The following ZPBP variants were observed in gnomAD, a reference collection of about 807,000 sequenced individuals.
ZPBP encodes the protein zona pellucida-binding protein 1.
A neutral mutation model predicts 44.8 loss-of-function variants in ZPBP; 26 were observed. That is an observed-to-expected ratio of 0.58 (90% CI 0.43 to 0.81). The LOEUF is 0.81. Ranked by LOEUF, ZPBP falls within the 30% of genes least tolerant of loss-of-function variation. ZPBP has a pLI of 0.00. For synonymous variants in ZPBP, 174 were observed against 153.2 expected (o/e 1.14, Z -1.00); for missense variants, 409 against 434.0 (o/e 0.94, Z 0.51).
downstream of ZPBP, among the ~76,000 whole-genome samples, chr7:49,847,615 AAC>A (rs1789993255): frequency 6.6e-6 from 1 of 152,222 alleles, no homozygotes; most frequent in Non-Finnish European, 1.5e-5. Flanking sequence ...TCTATTGAGG[AAC>A]ACACAGGGGC....
At chr7:50,043,454 T>G (rs1034281601) in intron 4 of ZPBP, among the ~76,000 whole-genome samples, 7 of 152,128 alleles carry the variant, frequency 4.6e-5, no homozygotes, top group Admixed American at 2.6e-4. Context: ...AAGACACACA[T>G]AGGCTCAAAA....
chr7:49,953,771 T>A (rs1795453756), intron 7 of ZPBP, among the ~76,000 whole-genome samples: 1 of 151,700 alleles, frequency 6.6e-6, no homozygotes, highest in South Asian at 2.1e-4. Flanking sequence ...ACTAAGGAGG[T>A]AAAATACACT....
chr7:50,017,262 CA>C (rs1798856271), intron 6 of ZPBP, among the ~76,000 whole-genome samples: 1 of 152,112 alleles, frequency 6.6e-6, no homozygotes, highest in East Asian at 1.9e-4. Flanking sequence ...AAGGAATACA[CA>C]ATCTAGATCC....
intron 6 of ZPBP, among the ~76,000 whole-genome samples, chr7:50,001,462 GA>G (rs1368404718): frequency 2.6e-5 from 4 of 152,030 alleles, no homozygotes; most frequent in East Asian, 3.9e-4. Flanking sequence ...ATAGGTGGGG[GA>G]AAAAAACTTA....
chr7:49,897,720 A>G (rs1317846227), intron 2 of ZPBP, among the ~76,000 whole-genome samples: 1 of 152,250 alleles, frequency 6.6e-6, no homozygotes, highest in Non-Finnish European at 1.5e-5. Flanking sequence ...GTATTGGGTT[A>G]GGAAAATGTA....
intron 3 of ZPBP, among the ~76,000 whole-genome samples, chr7:50,071,364 T>C (rs1253308239): frequency 6.6e-6 from 1 of 152,110 alleles, no homozygotes; most frequent in Non-Finnish European, 1.5e-5. Flanking sequence ...TGAACTTGAG[T>C]GCCTGCAAAC....
chr7:49,891,279 C>G (rs1792117672), intron 2 of ZPBP, among the ~76,000 whole-genome samples: 3 of 152,074 alleles, frequency 2.0e-5, no homozygotes, highest in Admixed American at 6.5e-5. Flanking sequence ...CTCAATTTAG[C>G]CAGATGACAT....
chr7:49,853,033 A>T (rs1239466347), intron 2 of ZPBP, among the ~76,000 whole-genome samples: 1 of 152,232 alleles, frequency 6.6e-6, no homozygotes, highest in Non-Finnish European at 1.5e-5. Context: ...TAAAAACAAC[A>T]GCTGCACCAA....
chr7:49,902,511 G>GT (rs1417630569), intron 1 of ZPBP, among the ~76,000 whole-genome samples: 6 of 142,896 alleles, frequency 4.2e-5, no homozygotes, highest in Non-Finnish European at 7.7e-5. Flanking sequence ...TTGTTTGCTT[G>GT]TTTTTTTAAC....
chr7:49,865,046 G>T (rs1352281195), intron 2 of ZPBP, among the ~76,000 whole-genome samples: 2 of 152,160 alleles, frequency 1.3e-5, no homozygotes, highest in Non-Finnish European at 2.9e-5. Context: ...TATTCTTAAA[G>T]ATCTTATTTT....
Position 49,878,244 on chromosome 7 carries a change from T to A in ZPBP, n.509+22874A>T, listed in dbSNP as rs149947508. On this transcript the variant is annotated intron_variant and non_coding_transcript_variant, in intron 2 of 2. Transcript: ENST00000465922. ...TCCTTGTATTTTAAACACAGCACAC[T>A]GCAATATGTTAATATTGTGGTTTTC... Among the ~76,000 whole-genome samples the A allele has an allele frequency of 7.4e-4, 113 of 152,290 alleles. 1 individual carries two copies. Among genetic ancestry groups the A allele is most frequent in the Non-Finnish European group, 1.5e-3 (102 of 68,014 alleles).
chr7:49,946,908 G>C (rs542208087), intron 7 of ZPBP, among the ~76,000 whole-genome samples: 1 of 152,178 alleles, frequency 6.6e-6, no homozygotes, highest in African/African-American at 2.4e-5. Flanking sequence ...TTTTCTGACT[G>C]TGTATTTCCA....
At chr7:50,079,254 T>C (rs182779130) in intron 3 of ZPBP, among the ~76,000 whole-genome samples, 156 of 151,706 alleles carry the variant, frequency 1.0e-3, no homozygotes, top group African/African-American at 3.6e-3. Context: ...ACATAATGAC[T>C]TTAGGAAAGT....
At chr7:50,049,017 A>G (rs1800545055) in intron 4 of ZPBP, among the ~76,000 whole-genome samples, 1 of 151,950 alleles carries the variant, frequency 6.6e-6, no homozygotes, top group Non-Finnish European at 1.5e-5. Context: ...TTAAAGAAAT[A>G]AAAGAATTAC....
At chr7:49,876,486 A>G (rs1431846816) in intron 2 of ZPBP, among the ~76,000 whole-genome samples, 2 of 152,156 alleles carry the variant, frequency 1.3e-5, no homozygotes, top group Non-Finnish European at 2.9e-5. Context: ...TTAAGACCAC[A>G]AACTCATCTA....
In ZPBP at chr7:50,047,997, C is replaced by T. The variant is rs180691248; in HGVS notation, c.487+9992G>A. Among the ~76,000 whole-genome samples, 867 of 152,148 alleles carry T rather than the reference C, an allele frequency of 5.7e-3. 12 individuals carry two copies. Among genetic ancestry groups the T allele is most frequent in the Middle Eastern group, 0.014 (4 of 294 alleles). On this transcript the variant is annotated intron_variant, in intron 4 of 7. Coordinates refer to ENST00000046087, the MANE Select transcript of ZPBP (RefSeq NM_007009.3). Reference sequence around the variant, plus strand: ...CAGTAGTTTCATGCAATTGCAGATGCAAGTACCAGAATAGTATGGGAGGGT... The same window carrying T: ...CAGTAGTTTCATGCAATTGCAGATGTAAGTACCAGAATAGTATGGGAGGGT...
chr7:49,899,008 G>C (rs1235033335), intron 2 of ZPBP, among the ~76,000 whole-genome samples: 1 of 151,976 alleles, frequency 6.6e-6, no homozygotes, highest in Non-Finnish European at 1.5e-5. Context: ...TATATTAACA[G>C]TCACTTTGAA....
intron 5 of ZPBP, among the ~76,000 whole-genome samples, chr7:50,023,082 T>C (rs1006672105): frequency 5.0e-4 from 76 of 152,150 alleles, no homozygotes; most frequent in African/African-American, 1.8e-3. Context: ...GCATCTGAAG[T>C]ACAGCTAGTA....
intron 1 of ZPBP, among the ~76,000 whole-genome samples, chr7:49,906,089 C>T (rs933417366): frequency 6.6e-6 from 1 of 152,160 alleles, no homozygotes; most frequent in Admixed American, 6.5e-5. Flanking sequence ...CAGCCAGTGG[C>T]CCTCAGGGCT....
Sources: gnomAD v4.1 joint callset for allele counts (sites outside exome capture counted in the v4.1 genomes callset) on GRCh38, gnomAD v4.1.1 for gene constraint, MANE v1.5 for transcripts, NCBI Gene and HGNC (gene_info 2026-07-23, HGNC 2026-07-21) for gene names.